Variants in RPS6KC1 observed in about 807,000 individuals in gnomAD.
The protein encoded by RPS6KC1 is inactive ribosomal protein S6 kinase delta-1.
RPS6KC1 carries 54 observed loss-of-function variants against 103.8 expected under a neutral mutation model. The ratio of observed to expected loss-of-function variants is 0.52; its 90% confidence interval spans 0.42 to 0.65. The LOEUF is 0.65. Among genes scored for constraint, RPS6KC1 ranks in the 30% least tolerant of loss-of-function variants. The pLI, the probability that RPS6KC1 is intolerant of heterozygous loss-of-function variation, is 0.00. For missense variants in RPS6KC1, 1,151 were observed against 1,253.8 expected, an observed-to-expected ratio of 0.92 and a Z score of 1.24; for synonymous variants, 439 against 438.7, an observed-to-expected ratio of 1.00 and a Z score of -0.01.
At chr1:213,486,222 G>A in the RPS6KC1 span, among the ~76,000 whole-genome samples, 3 of 152,170 alleles carry the variant, frequency 2.0e-5, no homozygotes, top group Non-Finnish European at 4.4e-5. Context: ...TTTACTGTTT[G>A]TAGGAAGTCT....
the RPS6KC1 span, among the ~76,000 whole-genome samples, chr1:213,829,391 G>A: frequency 5.9e-5 from 9 of 152,140 alleles, no homozygotes; most frequent in South Asian, 2.1e-4. Context: ...ATTGTCAGTC[G>A]GAAAGTACAT....
chr1:213,159,965 G>C (rs1348636153), intron 6 of RPS6KC1, among the ~76,000 whole-genome samples: 2 of 152,140 alleles, frequency 1.3e-5, no homozygotes, highest in African/African-American at 4.8e-5. Flanking sequence ...TATTATTTTA[G>C]TTCTGACAGG....
chr1:213,216,329 A>AAT (rs1157196722), intron 8 of RPS6KC1, among the ~76,000 whole-genome samples: 3 of 152,224 alleles, frequency 2.0e-5, no homozygotes, highest in Non-Finnish European at 1.5e-5. Context: ...AACTATCTTA[A>AAT]ATATATATGC....
the RPS6KC1 span, among the ~76,000 whole-genome samples, chr1:213,528,393 A>T: frequency 2.0e-5 from 3 of 152,004 alleles, no homozygotes; most frequent in African/African-American, 7.2e-5. Context: ...TGATTCAATT[A>T]ACTCCCATGG....
chr1:213,475,926 G>T, the RPS6KC1 span, among the ~76,000 whole-genome samples: 1 of 152,210 alleles, frequency 6.6e-6, no homozygotes, highest in Non-Finnish European at 1.5e-5. Context: ...ACACTTGGGG[G>T]AATCTTCTCC....
chr1:213,551,011 G>A, the RPS6KC1 span, among the ~76,000 whole-genome samples: 3 of 152,204 alleles, frequency 2.0e-5, no homozygotes, highest in African/African-American at 7.2e-5. Context: ...GAAACTTGGG[G>A]TAGCAGTCAG....
At chr1:213,232,638 GAATT>G (rs2094130346) in intron 10 of RPS6KC1, among the ~76,000 whole-genome samples, 1 of 152,118 alleles carries the variant, frequency 6.6e-6, no homozygotes, top group Admixed American at 6.6e-5. Flanking sequence ...ATCCCCTGAA[GAATT>G]AATTAATTAC....
the RPS6KC1 span, among the ~76,000 whole-genome samples, chr1:213,586,069 C>T: frequency 0.042 from 6,388 of 152,268 alleles, 192 homozygotes; most frequent in East Asian, 0.11. Flanking sequence ...TCTTTCTTTG[C>T]GATTCTTTGC....
At chr1:213,657,250 C>A in the RPS6KC1 span, among the ~76,000 whole-genome samples, 1 of 151,596 alleles carries the variant, frequency 6.6e-6, no homozygotes, top group Admixed American at 6.6e-5. Flanking sequence ...GAACAAAGTC[C>A]AGGGAGTGTA....
chr1:213,069,814 C>T (rs1048113315), intron 1 of RPS6KC1, among the ~76,000 whole-genome samples: 6 of 152,020 alleles, frequency 3.9e-5, no homozygotes, highest in Non-Finnish European at 7.4e-5. Flanking sequence ...GCTTCAAAAC[C>T]GTTAATTTGA....
chr1:213,694,470 G>A, the RPS6KC1 span, among the ~76,000 whole-genome samples: 1 of 152,146 alleles, frequency 6.6e-6, no homozygotes, highest in Admixed American at 6.5e-5. Context: ...GTTCCTGTAA[G>A]CCCATGGCTG....
At chr1:213,393,976 C>T in the RPS6KC1 span, among the ~76,000 whole-genome samples, 7 of 151,986 alleles carry the variant, frequency 4.6e-5, no homozygotes, top group African/African-American at 7.3e-5. Context: ...AGAGCACCAG[C>T]GCAGGGATTA....
the RPS6KC1 span, among the ~76,000 whole-genome samples, chr1:213,533,624 A>C: frequency 2.0e-5 from 3 of 152,130 alleles, no homozygotes; most frequent in East Asian, 3.8e-4. Context: ...TACATTCTTC[A>C]CTTTCATACA....
At chr1:213,590,497 G>T in the RPS6KC1 span, among the ~76,000 whole-genome samples, 1 of 152,208 alleles carries the variant, frequency 6.6e-6, no homozygotes, top group Non-Finnish European at 1.5e-5. Flanking sequence ...GACAGAAGTG[G>T]TTTTGGCTGA....
the RPS6KC1 span, among the ~76,000 whole-genome samples, chr1:213,662,598 C>A: frequency 6.6e-6 from 1 of 152,052 alleles, no homozygotes. Context: ...TTTTCCAAAG[C>A]ATGACTTTAA....
At chr1:213,205,105 A>G (rs988421028) in intron 8 of RPS6KC1, 1 of 223,482 alleles carries the variant, frequency 4.5e-6, no homozygotes, top group Non-Finnish European at 7.5e-6. Flanking sequence ...CTTTGGATCC[A>G]TGCTCTAAGT....
the RPS6KC1 span, among the ~76,000 whole-genome samples, chr1:213,556,809 C>T: frequency 2.6e-5 from 4 of 152,192 alleles, no homozygotes; most frequent in African/African-American, 9.6e-5. Context: ...AAGTTCTTTG[C>T]CCTCTGGAAA....
chr1:213,675,701 A>G, the RPS6KC1 span, among the ~76,000 whole-genome samples: 1 of 151,732 alleles, frequency 6.6e-6, no homozygotes, highest in Non-Finnish European at 1.5e-5. Context: ...ACATGGTGAA[A>G]CCCTTTCTCT....
At chr1:213,649,975 C>T in the RPS6KC1 span, among the ~76,000 whole-genome samples, 1 of 152,176 alleles carries the variant, frequency 6.6e-6, no homozygotes, top group African/African-American at 2.4e-5. Context: ...CTCATTCTTC[C>T]TCACAGCAAC....
Sources: allele counts gnomAD v4.1 joint callset (sites outside exome capture counted in the v4.1 genomes callset), GRCh38; gene constraint gnomAD v4.1.1; transcripts MANE v1.5; gene names NCBI Gene and HGNC (gene_info 2026-07-23, HGNC 2026-07-21).